SLIT3: variants seen among roughly 807,000 people sequenced by gnomAD.
SLIT3 encodes slit homolog 3 protein.
SLIT3 carries 68 observed loss-of-function variants against 184.0 expected under a neutral mutation model. The ratio of observed to expected loss-of-function variants is 0.37; its 90% CI spans 0.30 to 0.45. The LOEUF (loss-of-function observed/expected upper bound fraction) is 0.45. Among genes scored for constraint, SLIT3 ranks in the 20% least tolerant of loss-of-function variants. The pLI is 1.00. For missense variants in SLIT3, 1,707 were observed against 2,026.0 expected, an observed-to-expected ratio of 0.84 and a Z score of 3.02; for synonymous variants, 831 against 828.6, an observed-to-expected ratio of 1.00 and a Z score of -0.05.
chr5:168,786,462 T>G (rs887383699), intron 11 of SLIT3, among the ~76,000 whole-genome samples: 4 of 152,158 alleles, frequency 2.6e-5, no homozygotes, highest in African/African-American at 9.7e-5. Context: ...GCTTTGTGCA[T>G]CTGGGGTCAT....
At chr5:169,008,939 T>C (rs1756037063) in intron 4 of SLIT3, among the ~76,000 whole-genome samples, 1 of 152,226 alleles carries the variant, frequency 6.6e-6, no homozygotes, top group South Asian at 2.1e-4. Context: ...TTATGTGCTG[T>C]CATTATTTGC....
At chr5:168,825,880 A>G (rs984994100) in intron 6 of SLIT3, among the ~76,000 whole-genome samples, 1 of 152,118 alleles carries the variant, frequency 6.6e-6, no homozygotes, top group Non-Finnish European at 1.5e-5. Flanking sequence ...TGATCCCTCC[A>G]TTTCACCTTC....
In SLIT3 at chr5:169,301,065, T is replaced by C; in HGVS notation, c.-356A>G. ...GGGGAGGTCCGGCTTGGGGCTGGGC[T>C]GGGGAGCGCGGCGGCTGCGGCTGGG... is the stretch of plus-strand genomic sequence containing the variant. On this transcript the variant is annotated 5_prime_UTR_variant, in exon 1 of 36. Coordinates refer to ENST00000519560, the MANE Select transcript of SLIT3 (RefSeq NM_003062.4). 1 of 153,122 alleles carries C rather than the reference T, an allele frequency of 6.5e-6. No homozygotes were observed. The highest frequency in any genetic ancestry group is 1.5e-5 in the Non-Finnish European group (1 of 68,742). 9.5% of individuals were successfully genotyped at this position (153,122 alleles called of 1,614,324 possible).
chr5:168,981,221 G>C (rs1374299743), intron 4 of SLIT3, among the ~76,000 whole-genome samples: 4 of 152,172 alleles, frequency 2.6e-5, no homozygotes, highest in African/African-American at 4.8e-5. Context: ...CATGTAATTT[G>C]GACCACGTGT....
At chr5:169,067,254 A>G (rs1462204175) in intron 4 of SLIT3, among the ~76,000 whole-genome samples, 1 of 152,118 alleles carries the variant, frequency 6.6e-6, no homozygotes, top group African/African-American at 2.4e-5. Flanking sequence ...TACTAAAAAT[A>G]CAAAAATTAG....
At chr5:168,908,195 C>G (rs904643771) in intron 4 of SLIT3, among the ~76,000 whole-genome samples, 1 of 151,960 alleles carries the variant, frequency 6.6e-6, no homozygotes, top group Non-Finnish European at 1.5e-5. Flanking sequence ...ATTTTCCATG[C>G]TGTTGCATTC....
At position 168,679,549 on chromosome 5, in the gene SLIT3, C is replaced by T. The variant is rs147996018; in HGVS notation, c.3686+4417G>A. ...GGGTCAGAGACTTTAGGTGTTCAGC[C>T]TGAAGTCTTAAGGGACTTGAGGGAG... On this transcript the variant is annotated intron_variant, in intron 32 of 35. Coordinates refer to ENST00000519560, the MANE Select transcript of SLIT3 (RefSeq NM_003062.4). Among the ~76,000 whole-genome samples, 15 of 152,244 alleles carry T rather than the reference C, an allele frequency of 9.9e-5. No homozygotes were observed. The East Asian group carries it at 2.9e-3, about 29-fold the overall frequency.
intron 5 of SLIT3, among the ~76,000 whole-genome samples, chr5:168,860,465 G>A (rs1040106107): frequency 6.6e-6 from 1 of 152,240 alleles, no homozygotes; most frequent in South Asian, 2.1e-4. Context: ...CAGGGATTTA[G>A]GGGTATATTA....
At position 168,666,582 on chromosome 5, in the gene SLIT3, A is replaced by T. The variant is rs1429528825; in HGVS notation, c.4444T>A (p.Cys1482Ser). 6.2e-7 allele frequency: 1 copy of T among 1,614,158 alleles called. No homozygotes were observed. Among genetic ancestry groups the T allele is most frequent in the Non-Finnish European group, 8.5e-7 (1 of 1,179,996 alleles). The change falls in exon 36 of 36, where the codon TGT becomes AGT. Residue 1482 changes from cysteine (C) to serine (S), a missense_variant. Physicochemically the swap from Cys to Ser is moderately radical, Grantham distance 112. Transcript: ENST00000519560. ...GTGGGCTGGCAGCACTGGGGCCCAC[A>T]GCCCCCACGACATTCCATGATGGGC... Reference protein sequence around the residue: ...KVPIMECRGGCGPQCCQPTRS... With the variant: ...KVPIMECRGGSGPQCCQPTRS...
intron 4 of SLIT3, among the ~76,000 whole-genome samples, chr5:169,050,931 C>T (rs185666208): frequency 9.8e-5 from 15 of 152,340 alleles, no homozygotes; most frequent in South Asian, 4.1e-4. Flanking sequence ...AGCCTTCCAG[C>T]GCTCTGCTGT....
intron 30 of SLIT3, among the ~76,000 whole-genome samples, chr5:168,686,263 CTAGAG>C (rs1414195083): frequency 6.6e-6 from 1 of 152,124 alleles, no homozygotes; most frequent in Non-Finnish European, 1.5e-5. Flanking sequence ...TGGAGTTGGA[CTAGAG>C]TAGAGGTCCC....
chr5:168,767,285 C>G (rs904939543), intron 14 of SLIT3, among the ~76,000 whole-genome samples: 6 of 152,154 alleles, frequency 3.9e-5, no homozygotes, highest in South Asian at 2.1e-4. Flanking sequence ...CTGAGCTAGG[C>G]TAAAGTTCCC....
intron 32 of SLIT3, among the ~76,000 whole-genome samples, chr5:168,679,591 C>T (rs577482181): frequency 5.1e-4 from 77 of 152,198 alleles, no homozygotes; most frequent in African/African-American, 1.7e-3. Context: ...TTTGTTATTC[C>T]TCTAGGTGCT....
intron 4 of SLIT3, among the ~76,000 whole-genome samples, chr5:168,912,397 C>T (rs1251632012): frequency 2.0e-5 from 3 of 152,034 alleles, no homozygotes; most frequent in African/African-American, 7.2e-5. Context: ...TGTCCCTAAC[C>T]CCTATTTCGG....
intron 4 of SLIT3, among the ~76,000 whole-genome samples, chr5:168,966,181 G>A (rs898327949): frequency 2.0e-5 from 3 of 152,172 alleles, no homozygotes; most frequent in African/African-American, 7.2e-5. Context: ...TTAGAGACAT[G>A]TGCTTTGAAT....
chr5:169,189,645 G>C (rs1168740573), intron 4 of SLIT3, among the ~76,000 whole-genome samples: 2 of 147,258 alleles, frequency 1.4e-5, no homozygotes, highest in Non-Finnish European at 3.0e-5. Flanking sequence ...TTGAGGCTTA[G>C]GCAGGGAACT....
At chr5:168,687,886 G>A (rs1484756633) in intron 29 of SLIT3, among the ~76,000 whole-genome samples, 1 of 152,202 alleles carries the variant, frequency 6.6e-6, no homozygotes, top group Non-Finnish European at 1.5e-5. Flanking sequence ...GCAAGAGGAT[G>A]GGAACACCTG....
At chr5:168,775,364 C>T (rs990721079) in intron 12 of SLIT3, among the ~76,000 whole-genome samples, 2 of 152,124 alleles carry the variant, frequency 1.3e-5, no homozygotes, top group African/African-American at 2.4e-5. Context: ...TCCTCAGACA[C>T]ACCAGATTTT....
At chr5:168,838,308 T>C (rs1758121589) in intron 6 of SLIT3, among the ~76,000 whole-genome samples, 1 of 152,164 alleles carries the variant, frequency 6.6e-6, no homozygotes, top group Non-Finnish European at 1.5e-5. Flanking sequence ...ACTGGTGAAA[T>C]GCAGTTCCTA....
Sources: allele counts gnomAD v4.1 joint callset (sites outside exome capture counted in the v4.1 genomes callset), GRCh38; gene constraint gnomAD v4.1.1; transcripts MANE v1.5; gene names NCBI Gene and HGNC (gene_info 2026-07-23, HGNC 2026-07-21).